Variants in NCEH1 observed in about 807,000 individuals in gnomAD.
The protein encoded by NCEH1 is 2-acetyl MAGE hydrolase.
Under a neutral mutation model 25.4 loss-of-function variants are expected in NCEH1, and 9 were observed. The observed-to-expected ratio is 0.35, with a 90% confidence interval of 0.21 to 0.62. The LOEUF (loss-of-function observed/expected upper bound fraction) is 0.62, where lower values mean the gene tolerates loss of function less well. Ranked by LOEUF, NCEH1 falls within the 20% of genes least tolerant of loss-of-function variation. The pLI is 0.72. For missense variants in NCEH1, 412 were observed against 501.1 expected (o/e 0.82, Z 1.70); for synonymous variants, 200 against 199.8 (o/e 1.00, Z -0.01).
chr3:172,677,724 T>G (rs892762498), intron 1 of NCEH1, among the ~76,000 whole-genome samples: 97 of 152,288 alleles, frequency 6.4e-4, no homozygotes, highest in African/African-American at 2.2e-3. Flanking sequence ...GTCAGGAGAT[T>G]GAGACCATCC....
chr3:172,709,044 G>A (rs996986297), intron 1 of NCEH1, among the ~76,000 whole-genome samples: 6 of 152,212 alleles, frequency 3.9e-5, no homozygotes, highest in African/African-American at 1.4e-4. Context: ...ACAGTGTCAG[G>A]TGAGAACACT....
intron 3 of NCEH1, among the ~76,000 whole-genome samples, chr3:172,640,374 C>T (rs1288188804): frequency 2.6e-5 from 4 of 152,234 alleles, no homozygotes; most frequent in Non-Finnish European, 5.9e-5. Context: ...CCAGATTGTG[C>T]TCTCTGAGTG....
intron 1 of NCEH1, among the ~76,000 whole-genome samples, chr3:172,662,251 T>C (rs1718004868): frequency 6.6e-6 from 1 of 152,254 alleles, no homozygotes; most frequent in Admixed American, 6.5e-5. Context: ...TTTGGTTCTG[T>C]TTATAAGATG....
At chr3:172,658,851 T>TC (rs1028767476) in intron 1 of NCEH1, among the ~76,000 whole-genome samples, 5 of 147,652 alleles carry the variant, frequency 3.4e-5, no homozygotes, top group African/African-American at 7.5e-5. Flanking sequence ...TTTTTTTTTT[T>TC]TTTTTTTTTT....
intron 1 of NCEH1, among the ~76,000 whole-genome samples, chr3:172,695,816 C>T (rs1487293649): frequency 1.3e-5 from 2 of 151,994 alleles, no homozygotes; most frequent in East Asian, 1.9e-4. Flanking sequence ...TGGTGGAGCA[C>T]ACCTGTAATC....
chr3:172,678,665 T>C (rs527428878), intron 1 of NCEH1, among the ~76,000 whole-genome samples: 6 of 152,026 alleles, frequency 3.9e-5, no homozygotes, highest in African/African-American at 1.5e-4. Flanking sequence ...TATTTATTTT[T>C]TACCTACTCA....
intron 1 of NCEH1, among the ~76,000 whole-genome samples, chr3:172,650,563 G>A (rs1263296510): frequency 6.6e-6 from 1 of 151,520 alleles, no homozygotes; most frequent in African/African-American, 2.4e-5. Flanking sequence ...GCAGGAGAAT[G>A]GCATGAACCC....
intron 1 of NCEH1, among the ~76,000 whole-genome samples, chr3:172,656,816 T>C (rs1022053946): frequency 2.0e-5 from 3 of 152,038 alleles, no homozygotes; most frequent in Admixed American, 6.6e-5. Flanking sequence ...AGGTAACCCA[T>C]TGCAATCTGG....
At chr3:172,644,382 C>T (rs1717017459) in intron 3 of NCEH1, among the ~76,000 whole-genome samples, 1 of 152,098 alleles carries the variant, frequency 6.6e-6, no homozygotes, top group Non-Finnish European at 1.5e-5. Flanking sequence ...AGGTGGCGCA[C>T]CATGAACAGG....
chr3:172,674,832 A>G (rs865834284), intron 1 of NCEH1, among the ~76,000 whole-genome samples: 2 of 152,328 alleles, frequency 1.3e-5, no homozygotes, highest in African/African-American at 4.8e-5. Flanking sequence ...TTATAACAGG[A>G]TTAATTGCAG....
intron 1 of NCEH1, among the ~76,000 whole-genome samples, chr3:172,705,630 CTATA>C (rs1225742390): frequency 7.2e-5 from 11 of 152,202 alleles, no homozygotes; most frequent in Admixed American, 2.6e-4. Context: ...TGCCCCTTTT[CTATA>C]TATAAAGTGG....
chr3:172,638,275 C>CAAAAAAAAAAAA lies in NCEH1; in HGVS notation c.438-2189_438-2188insTTTTTTTTTTTT, dbSNP rs1560178436. On this transcript the variant is annotated intron_variant, in intron 3 of 4. Transcript: ENST00000475381. ...CCTGGGCGACAGAACGAGACTCTGTCCAAAAAAAAAAAAAAAAAAAAAAAA... is the reference window on the plus strand; with the variant it reads ...CCTGGGCGACAGAACGAGACTCTGTCAAAAAAAAAAAACAAAAAAAAAAAAAAAAAAAAAAAA... Among the ~76,000 whole-genome samples the CAAAAAAAAAAAA allele has an allele frequency of 2.4e-5, 2 of 81,900 alleles. 1 individual carries two copies. Among genetic ancestry groups the CAAAAAAAAAAAA allele is most frequent in the African/African-American group, 8.2e-5 (2 of 24,382 alleles). The allele number at this position is 81,900 out of a possible 152,430, so 53.7% of individuals were successfully genotyped here. A position where few individuals can be genotyped will look rare whatever the true frequency, so the allele number is the denominator to read the frequency against.
chr3:172,642,603 CAAAAAAAAAAAAA>C (rs66551744), intron 3 of NCEH1, among the ~76,000 whole-genome samples: 1 of 83,904 alleles, frequency 1.2e-5, no homozygotes, highest in South Asian at 4.8e-4. Flanking sequence ...GCTATTTCTA[CAAAAAAAAAAAAA>C]AAAAAAAAGA....
chr3:172,653,751 T>G (rs1170995915), intron 1 of NCEH1, among the ~76,000 whole-genome samples: 3 of 81,656 alleles, frequency 3.7e-5, no homozygotes, highest in African/African-American at 1.9e-4. Flanking sequence ...TTTGTTTTTT[T>G]GTTTTTTTGT....
chr3:172,650,522 G>A (rs1478989442), intron 1 of NCEH1, among the ~76,000 whole-genome samples: 2 of 151,816 alleles, frequency 1.3e-5, no homozygotes, highest in Admixed American at 6.5e-5. Flanking sequence ...GGTGGCGGGC[G>A]CCTGTAGTCC....
At chr3:172,656,525 G>C (rs1328128418) in intron 1 of NCEH1, among the ~76,000 whole-genome samples, 2 of 152,164 alleles carry the variant, frequency 1.3e-5, no homozygotes, top group African/African-American at 4.8e-5. Flanking sequence ...CCAGCACTTT[G>C]GGAGGCCGAG....
intron 1 of NCEH1, among the ~76,000 whole-genome samples, chr3:172,699,457 T>A (rs1042240596): frequency 5.3e-5 from 8 of 152,144 alleles, no homozygotes; most frequent in Non-Finnish European, 1.5e-5. Context: ...CACTCAGGAC[T>A]GGGAACGAGG....
At chr3:172,694,412 G>GTGTA (rs1160317692) in intron 1 of NCEH1, among the ~76,000 whole-genome samples, 2 of 151,974 alleles carry the variant, frequency 1.3e-5, no homozygotes, top group Admixed American at 1.3e-4. Context: ...GTGTGTGTGT[G>GTGTA]TGTATGTGTG....
intron 1 of NCEH1, among the ~76,000 whole-genome samples, chr3:172,685,623 C>T (rs1712652934): frequency 1.3e-5 from 2 of 152,166 alleles, no homozygotes; most frequent in African/African-American, 4.8e-5. Flanking sequence ...GAAAATAGTT[C>T]CAGTTTATCT....
Sources: gnomAD v4.1 joint callset for allele counts (sites outside exome capture counted in the v4.1 genomes callset) on GRCh38, gnomAD v4.1.1 for gene constraint, MANE v1.5 for transcripts, NCBI Gene and HGNC (gene_info 2026-07-23, HGNC 2026-07-21) for gene names.